ADGRL3: variants seen among roughly 807,000 people sequenced by gnomAD.
ADGRL3 encodes the protein adhesion G protein-coupled receptor L3, also known as calcium-independent alpha-latrotoxin receptor 3.
ADGRL3 carries 62 observed loss-of-function variants against 153.5 expected under a neutral mutation model. The ratio of observed to expected loss-of-function variants is 0.40; its 90% confidence interval spans 0.33 to 0.50. ADGRL3 has a LOEUF of 0.50. ADGRL3 is among the 20% of genes least tolerant of loss of function. The pLI is 0.47. For synonymous variants in ADGRL3, 710 were observed against 672.5 expected (o/e 1.06, Z -0.86); for missense variants, 1,641 against 1,859.4 (o/e 0.88, Z 2.16).
At chr4:61,937,440 G>A (rs1188676721) in intron 15 of ADGRL3, among the ~76,000 whole-genome samples, 2 of 147,860 alleles carry the variant, frequency 1.4e-5, no homozygotes, top group African/African-American at 5.0e-5. Flanking sequence ...TTTCTTCTTA[G>A]AATACAATTT....
intron 5 of ADGRL3, among the ~76,000 whole-genome samples, chr4:61,638,143 G>A (rs989417781): frequency 2.6e-5 from 4 of 152,130 alleles, no homozygotes; most frequent in Non-Finnish European, 4.4e-5. Context: ...TAGCTTAGAT[G>A]TTCATCCATA....
At chr4:61,318,048 A>G (rs967397259) in intron 1 of ADGRL3, among the ~76,000 whole-genome samples, 1 of 151,690 alleles carries the variant, frequency 6.6e-6, no homozygotes, top group Admixed American at 6.6e-5. Flanking sequence ...GTGGTGGCAC[A>G]TGTCTGTAGT....
At chr4:61,217,121 A>G (rs1360727172) in intron 1 of ADGRL3, among the ~76,000 whole-genome samples, 1 of 152,234 alleles carries the variant, frequency 6.6e-6, no homozygotes, top group East Asian at 1.9e-4. Context: ...AACATGGCAG[A>G]AAGAGCCTCT....
chr4:61,531,693 T>G (rs560528198), intron 4 of ADGRL3, among the ~76,000 whole-genome samples: 1 of 151,714 alleles, frequency 6.6e-6, no homozygotes, highest in African/African-American at 2.4e-5. Context: ...AGACCAATAC[T>G]GATTTCAATA....
At chr4:61,518,562 G>C (rs757416288) in intron 4 of ADGRL3, among the ~76,000 whole-genome samples, 7 of 152,166 alleles carry the variant, frequency 4.6e-5, no homozygotes, top group Non-Finnish European at 7.4e-5. Flanking sequence ...TGAGAGACCC[G>C]TGAGAGTTAA....
At position 61,909,907 on chromosome 4, in the gene ADGRL3, GTTA is replaced by G. The variant is rs201170028; in HGVS notation, c.2073+167_2073+169del. Among the ~76,000 whole-genome samples the G allele has an allele frequency of 4.6e-3, 701 of 151,666 alleles. 5 individuals are homozygous for G. The highest frequency in any genetic ancestry group is 0.016 in the African/African-American group (680 of 41,358). On this transcript the variant is annotated intron_variant, in intron 12 of 26. Transcript: ENST00000683033. Reference sequence around the variant, plus strand: ...ATCAACAGTTATTTTCAATTCCTTTGTTATTATAATAATAGAACTGTGGTTCTT... The same window carrying G: ...ATCAACAGTTATTTTCAATTCCTTTGTTATAATAATAGAACTGTGGTTCTT...
chr4:61,475,321 A>C (rs376647174), intron 2 of ADGRL3, among the ~76,000 whole-genome samples: 1 of 152,172 alleles, frequency 6.6e-6, no homozygotes, highest in East Asian at 1.9e-4. Context: ...AATTAACAAA[A>C]CCACTATGTT....
At chr4:61,309,664 G>A (rs1302297434) in intron 1 of ADGRL3, among the ~76,000 whole-genome samples, 2 of 152,056 alleles carry the variant, frequency 1.3e-5, no homozygotes, top group Admixed American at 6.6e-5. Flanking sequence ...TTAATTTTTA[G>A]ATGTGTTCAC....
chr4:62,031,944 A>G (rs1722266176), intron 23 of ADGRL3, among the ~76,000 whole-genome samples: 1 of 138,824 alleles, frequency 7.2e-6, no homozygotes, highest in Non-Finnish European at 1.6e-5. Context: ...AATGTTGTGG[A>G]GGCATGAGTT....
chr4:61,389,991 C>G (rs796151476), intron 2 of ADGRL3, among the ~76,000 whole-genome samples: 16 of 152,084 alleles, frequency 1.1e-4, no homozygotes, highest in African/African-American at 3.6e-4. Context: ...TACTTTTTTT[C>G]CCTCCAAAAC....
At chr4:61,330,690 T>C (rs1332251665) in intron 1 of ADGRL3, among the ~76,000 whole-genome samples, 2 of 152,230 alleles carry the variant, frequency 1.3e-5, no homozygotes, top group African/African-American at 2.4e-5. Flanking sequence ...GCCAGATTTA[T>C]TGTAAAGAGC....
rs568079168 is a variant in ADGRL3 at position 61,304,915 on chromosome 4, A to G, written c.-239-78209A>G. Among the ~76,000 whole-genome samples the G allele has an allele frequency of 1.0e-3, 156 of 152,348 alleles. 1 individual carries two copies. Among genetic ancestry groups the G allele is most frequent in the Admixed American group, 2.0e-3 (30 of 15,302 alleles). On this transcript the variant is annotated intron_variant, in intron 1 of 26. Coordinates refer to ENST00000683033, the MANE Select transcript of ADGRL3 (RefSeq NM_001387552.1). ...TTCTGATAGTCCTAGAAGTGAATCA[A>G]TTTAGACAGTGTAACACTGGTACCT...
chr4:61,888,306 A>G (rs951397889), intron 9 of ADGRL3, among the ~76,000 whole-genome samples: 7 of 152,230 alleles, frequency 4.6e-5, no homozygotes, highest in African/African-American at 1.4e-4. Flanking sequence ...CTTATAACAC[A>G]TAGTTTTATT....
Position 61,201,392 on chromosome 4 carries a change from C to A in ADGRL3, c.-613C>A, listed in dbSNP as rs1162071604. 6.5e-6 allele frequency: 1 copy of A among 152,754 alleles called. No individual in the cohort carries two copies. Among genetic ancestry groups the A allele is most frequent in the Non-Finnish European group, 1.5e-5 (1 of 68,212 alleles). The allele number at this position is 152,754 out of a possible 1,614,324, so 9.5% of individuals were successfully genotyped here. A position where few individuals can be genotyped will look rare whatever the true frequency, so the allele number is the denominator to read the frequency against. On this transcript the variant is annotated 5_prime_UTR_variant, in exon 1 of 27. In the 5' UTR this introduces an upstream ATG that the reference lacks. Coordinates refer to ENST00000683033, the MANE Select transcript of ADGRL3 (RefSeq NM_001387552.1). ...AGAGCCTGACTCCGAAGTTGTGCAA[C>A]TGTGGACTGGGAGAGACATTTGAAC...
intron 9 of ADGRL3, among the ~76,000 whole-genome samples, chr4:61,879,102 A>G (rs542219355): frequency 6.6e-6 from 1 of 152,308 alleles, no homozygotes; most frequent in African/African-American, 2.4e-5. Flanking sequence ...TTCTCTCTTT[A>G]GAACTCTCCT....
chr4:61,378,699 T>A (rs1233821913), intron 1 of ADGRL3, among the ~76,000 whole-genome samples: 1 of 152,020 alleles, frequency 6.6e-6, no homozygotes, highest in East Asian at 1.9e-4. Context: ...AAAAATTGTA[T>A]TCATCCTTTA....
chr4:61,514,850 GTTTTGTTTATT>G, intron 3 of ADGRL3, among the ~76,000 whole-genome samples: 1 of 151,872 alleles, frequency 6.6e-6, no homozygotes, highest in South Asian at 2.1e-4. Context: ...GTGTTTTTAT[GTTTTGTTTATT>G]TTTCAGATTT....
intron 1 of ADGRL3, among the ~76,000 whole-genome samples, chr4:61,264,728 T>G (rs1172454443): frequency 6.6e-6 from 1 of 152,042 alleles, no homozygotes; most frequent in African/African-American, 2.4e-5. Flanking sequence ...AGTAGTATAC[T>G]TGACCTATGG....
At chr4:61,575,797 G>A (rs1055994524) in intron 4 of ADGRL3, among the ~76,000 whole-genome samples, 3 of 152,056 alleles carry the variant, frequency 2.0e-5, no homozygotes, top group African/African-American at 4.8e-5. Context: ...AATGAATTGA[G>A]GAAACATATG....
Sources: gnomAD v4.1 joint callset for allele counts (sites outside exome capture counted in the v4.1 genomes callset) on GRCh38, gnomAD v4.1.1 for gene constraint, MANE v1.5 for transcripts, NCBI Gene and HGNC (gene_info 2026-07-23, HGNC 2026-07-21) for gene names.